MACROH2A1: variants seen among roughly 807,000 people sequenced by gnomAD.
MACROH2A1 encodes core histone macro-H2A.1.
Under a neutral mutation model 31.6 loss-of-function variants are expected in MACROH2A1, and 2 were observed. The observed-to-expected ratio is 0.06, with a 90% CI of 0.03 to 0.20. The LOEUF (loss-of-function observed/expected upper bound fraction) is 0.20. MACROH2A1 is among the 10% of genes least tolerant of loss of function. The pLI, the probability that MACROH2A1 is intolerant of heterozygous loss-of-function variation, is 1.00. For synonymous variants in MACROH2A1, 169 were observed against 189.6 expected (o/e 0.89, Z 0.89); for missense variants, 230 against 474.0 (o/e 0.49, Z 4.78).
chr5:135,365,209 C>CCTGG (rs994999886), intron 4 of MACROH2A1, among the ~76,000 whole-genome samples: 2 of 151,952 alleles, frequency 1.3e-5, no homozygotes, highest in African/African-American at 4.8e-5. Context: ...AGTAAGGGTC[C>CCTGG]CCAGGCTTCC....
intron 8 of MACROH2A1, 149 bp from the exon 9 acceptor site, chr5:135,335,290 G>A: frequency 3.2e-6 from 2 of 625,816 alleles, no homozygotes; most frequent in Non-Finnish European, 5.6e-6. Flanking sequence ...GTACGCCAGT[G>A]TGGGAAAGCC....
chr5:135,355,718 A>T (rs976165670), intron 5 of MACROH2A1: 1 of 200,730 alleles, frequency 5.0e-6, no homozygotes, highest in Non-Finnish European at 1.0e-5. Context: ...CGAAGACAGT[A>T]GCTCCACTAT....
At chr5:135,383,004 G>C (rs1247943046) in intron 2 of MACROH2A1, among the ~76,000 whole-genome samples, 2 of 152,240 alleles carry the variant, frequency 1.3e-5, no homozygotes, top group African/African-American at 4.8e-5. Flanking sequence ...GTAAGATAGA[G>C]AAGTACTGGT....
chr5:135,358,981 G>A, intron 5 of MACROH2A1: 1 of 985,418 alleles, frequency 1.0e-6, no homozygotes, highest in Non-Finnish European at 1.2e-6. Flanking sequence ...GAGCCCAGAG[G>A]AGGCCGTGAT....
intron 8 of MACROH2A1, among the ~76,000 whole-genome samples, chr5:135,339,974 G>C (rs1759514695): frequency 6.6e-6 from 1 of 152,246 alleles, no homozygotes; most frequent in Non-Finnish European, 1.5e-5. Flanking sequence ...TCTCACCTCT[G>C]AGGCCAATGC....
chr5:135,378,128 C>A (rs1261661619), intron 2 of MACROH2A1, among the ~76,000 whole-genome samples: 5 of 152,162 alleles, frequency 3.3e-5, no homozygotes, highest in African/African-American at 1.2e-4. Flanking sequence ...AAAAGCTTCC[C>A]ACTCTCCAGC....
intron 1 of MACROH2A1, among the ~76,000 whole-genome samples, chr5:135,391,298 G>C (rs140873043): frequency 6.6e-6 from 1 of 152,268 alleles, no homozygotes; most frequent in African/African-American, 2.4e-5. Flanking sequence ...CTTTCAGCAG[G>C]GGAGGCCTGT....
intron 2 of MACROH2A1, among the ~76,000 whole-genome samples, chr5:135,381,695 T>C (rs942847658): frequency 6.6e-6 from 1 of 152,214 alleles, no homozygotes; most frequent in South Asian, 2.1e-4. Flanking sequence ...TAAAATTCAG[T>C]GACTGAATCT....
intron 1 of MACROH2A1, among the ~76,000 whole-genome samples, chr5:135,393,198 TGATTCCCAGGGTTGCCATG>T (rs1767493720): frequency 6.6e-6 from 1 of 152,170 alleles, no homozygotes; most frequent in Non-Finnish European, 1.5e-5. Flanking sequence ...CTTCAATACA[TGATTCCCAGGGTTGCCATG>T]GAAAGAAAAA....
chr5:135,375,419 A>G (rs901454609), intron 2 of MACROH2A1, among the ~76,000 whole-genome samples: 1 of 152,206 alleles, frequency 6.6e-6, no homozygotes, highest in Admixed American at 6.5e-5. Flanking sequence ...TACCTTTGAC[A>G]GGTCTACTTT....
intron 2 of MACROH2A1, among the ~76,000 whole-genome samples, chr5:135,372,584 G>C (rs1764308305): frequency 6.6e-6 from 1 of 152,230 alleles, no homozygotes; most frequent in Non-Finnish European, 1.5e-5. Context: ...CTTGGGCCCT[G>C]GGTACTGTGA....
chr5:135,345,690 A>G (rs1760725018), intron 7 of MACROH2A1: 1 of 383,426 alleles, frequency 2.6e-6, no homozygotes, highest in East Asian at 4.7e-5. Context: ...TCTTAGATGT[A>G]CCAAACTCAG....
At chr5:135,340,231 A>G (rs1759580601) in intron 8 of MACROH2A1, among the ~76,000 whole-genome samples, 1 of 152,212 alleles carries the variant, frequency 6.6e-6, no homozygotes, top group Non-Finnish European at 1.5e-5. Context: ...CAGATGATTT[A>G]CTTAACCCCT....
chr5:135,387,337 A>T (rs187050813), intron 2 of MACROH2A1, among the ~76,000 whole-genome samples: 21 of 152,270 alleles, frequency 1.4e-4, no homozygotes, highest in African/African-American at 4.3e-4. Context: ...ATCTAACACT[A>T]TTACTTTTCA....
At chr5:135,389,150 G>A in intron 1 of MACROH2A1, 24 bp from the exon 2 acceptor site, 1 of 1,553,226 alleles carries the variant, frequency 6.4e-7, no homozygotes, top group Non-Finnish European at 8.8e-7. Context: ...AGGCACACCG[G>A]TCAGGGTGGC....
chr5:135,347,834 G>A (rs1761042794), intron 6 of MACROH2A1, among the ~76,000 whole-genome samples: 1 of 152,140 alleles, frequency 6.6e-6, no homozygotes, highest in South Asian at 2.1e-4. Flanking sequence ...CTTGAGGCAG[G>A]GCAACAAAAA....
At chr5:135,363,206 A>AT (rs1383242409) in intron 4 of MACROH2A1, among the ~76,000 whole-genome samples, 1 of 152,068 alleles carries the variant, frequency 6.6e-6, no homozygotes, top group Non-Finnish European at 1.5e-5. Context: ...AAAAAAAAAA[A>AT]GAAAGAAAGA....
In MACROH2A1 at chr5:135,369,238, C is replaced by T. The variant is rs1763889732; in HGVS notation, c.477+168G>A. 1.0e-5 allele frequency: 7 copies of T among 689,244 alleles called. No homozygotes were observed. Among genetic ancestry groups the T allele is most frequent in the Non-Finnish European group, 1.5e-5 (6 of 389,016 alleles). The allele number at this position is 689,244 out of a possible 1,614,324, so 42.7% of individuals were successfully genotyped here. On this transcript the variant is annotated intron_variant, in intron 4 of 8. Coordinates refer to ENST00000511689, the MANE Select transcript of MACROH2A1 (RefSeq NM_138610.3). This position sits in a 1 kb window ranked among gnomAD's most constrained non-coding sequence, Gnocchi z 4.3. ...TGGGAGGGCCTCCTGACTCTGGCTA[C>T]TTGTGTTGGACTAGCCCCTCTGGAG... is the stretch of plus-strand genomic sequence containing the variant.
chr5:135,352,934 G>A lies in MACROH2A1; in HGVS notation c.688+12C>T, dbSNP rs764572086. 1.2e-5 allele frequency: 16 copies of A among 1,366,578 alleles called. 1 individual carries two copies. Among genetic ancestry groups the A allele is most frequent in the African/African-American group, 2.9e-5 (2 of 70,078 alleles). 84.7% of individuals were successfully genotyped at this position (1,366,578 alleles called of 1,614,324 possible). A position where few individuals can be genotyped will look rare whatever the true frequency, so the allele number is the denominator to read the frequency against. ...CTGACAGCTGGTGGTGCCGAACCCC[G>A]TCCCCAATTACCTAGGTCATCTTTA... On this transcript the variant is annotated intron_variant, in intron 6 of 8. Coordinates refer to ENST00000511689, the MANE Select transcript of MACROH2A1 (RefSeq NM_138610.3).
Sources: gnomAD v4.1 joint callset for allele counts (sites outside exome capture counted in the v4.1 genomes callset) on GRCh38, gnomAD v4.1.1 for gene constraint, Gnocchi (gnomAD v3.1) non-coding constraint, MANE v1.5 for transcripts, NCBI Gene and HGNC (gene_info 2026-07-23, HGNC 2026-07-21) for gene names.